The following CSMD1 variants were observed in gnomAD, a reference collection of about 807,000 sequenced individuals.
CSMD1 encodes CUB and Sushi multiple domains 1, also known as CUB and sushi domain-containing protein 1.
A neutral mutation model predicts 417.5 loss-of-function variants in CSMD1; 213 were observed. The observed-to-expected ratio is 0.51, with a 90% CI of 0.46 to 0.57. The LOEUF is 0.57. Among genes scored for constraint, CSMD1 ranks in the 20% least tolerant of loss-of-function variants. The probability of loss-of-function intolerance (pLI) is 0.00; values close to 1 mark genes in which losing one functional copy is unlikely to be tolerated. For synonymous variants in CSMD1, 2,862 were observed against 1,736.8 expected (o/e 1.65, Z -16.11); for missense variants, 6,923 against 4,529.7 (o/e 1.53, Z -15.17).
chr8:3,170,719 A>T (rs1820533415), intron 37 of CSMD1, among the ~76,000 whole-genome samples: 1 of 152,206 alleles, frequency 6.6e-6, no homozygotes, highest in South Asian at 2.1e-4. Flanking sequence ...TAAATATGTG[A>T]AGATCAAAAA....
At chr8:3,629,185 T>C (rs914033675) in intron 7 of CSMD1, among the ~76,000 whole-genome samples, 2 of 151,988 alleles carry the variant, frequency 1.3e-5, no homozygotes, top group Non-Finnish European at 2.9e-5. Flanking sequence ...GGAACTTGCT[T>C]GTAAAGGGGA....
chr8:3,502,238 G>T (rs888683468), intron 10 of CSMD1, among the ~76,000 whole-genome samples: 1 of 151,770 alleles, frequency 6.6e-6, no homozygotes, highest in African/African-American at 2.4e-5. Context: ...GGTGGTGGGC[G>T]CCTGTAGTCC....
intron 3 of CSMD1, among the ~76,000 whole-genome samples, chr8:4,390,979 T>G (rs1444574163): frequency 6.6e-6 from 1 of 152,182 alleles, no homozygotes; most frequent in Non-Finnish European, 1.5e-5. Context: ...TTCTGTAACT[T>G]TCTACCATAT....
chr8:4,342,532 G>A (rs34979707), intron 3 of CSMD1, among the ~76,000 whole-genome samples: 1 of 151,850 alleles, frequency 6.6e-6, no homozygotes, highest in East Asian at 1.9e-4. Flanking sequence ...ACATTTTCCT[G>A]ATGTATGACA....
chr8:4,601,517 T>C (rs1430405503), intron 2 of CSMD1, among the ~76,000 whole-genome samples: 1 of 152,148 alleles, frequency 6.6e-6, no homozygotes, highest in Non-Finnish European at 1.5e-5. Flanking sequence ...GGGACAGAGA[T>C]CATAAAGGAA....
intron 5 of CSMD1, among the ~76,000 whole-genome samples, chr8:3,830,494 G>C (rs1321448647): frequency 6.6e-6 from 1 of 152,190 alleles, no homozygotes; most frequent in South Asian, 2.1e-4. Flanking sequence ...GTGCAACTGA[G>C]AATCATGGAG....
chr8:3,179,158 GA>G (rs1563115597), intron 37 of CSMD1, among the ~76,000 whole-genome samples: 4 of 151,170 alleles, frequency 2.6e-5, no homozygotes, highest in Admixed American at 2.0e-4. Context: ...TGTTAGCCAG[GA>G]CTGTCTCGAT....
At chr8:3,242,797 GGGGTTGGGGCGCAGAAAT>G (rs1799629302) in intron 26 of CSMD1, among the ~76,000 whole-genome samples, 10 of 33,308 alleles carry the variant, frequency 3.0e-4, no homozygotes, top group African/African-American at 6.4e-4. Flanking sequence ...AAGCGGGAAA[GGGGTTGGGGCGCAGAAAT>G]AAGGGGTTGG....
At chr8:4,131,449 C>T (rs909289733) in intron 3 of CSMD1, among the ~76,000 whole-genome samples, 8 of 152,106 alleles carry the variant, frequency 5.3e-5, no homozygotes, top group Admixed American at 3.3e-4. Context: ...GTCAAATATA[C>T]GATTAAACTT....
chr8:4,456,076 A>C (rs1180995303), intron 2 of CSMD1, among the ~76,000 whole-genome samples: 10 of 149,538 alleles, frequency 6.7e-5, no homozygotes, highest in African/African-American at 2.5e-4. Context: ...AAAAAAAAAA[A>C]AAAAAATGTG....
chr8:3,899,186 A>G (rs1031678253), intron 5 of CSMD1, among the ~76,000 whole-genome samples: 4 of 152,226 alleles, frequency 2.6e-5, no homozygotes, highest in African/African-American at 9.6e-5. Context: ...GGCCTAGGAC[A>G]GGAGGCCAAT....
chr8:4,506,613 T>C (rs565047227), intron 2 of CSMD1, among the ~76,000 whole-genome samples: 1 of 152,232 alleles, frequency 6.6e-6, no homozygotes, highest in South Asian at 2.1e-4. Flanking sequence ...CCCAAGACTT[T>C]CACATGAGCA....
chr8:3,556,232 G>T (rs1799134358), intron 10 of CSMD1, among the ~76,000 whole-genome samples: 1 of 151,276 alleles, frequency 6.6e-6, no homozygotes, highest in Non-Finnish European at 1.5e-5. Context: ...ATTTAGGAGG[G>T]ATCCTTTCCA....
chr8:4,472,743 A>G (rs1002940627), intron 2 of CSMD1, among the ~76,000 whole-genome samples: 1 of 152,008 alleles, frequency 6.6e-6, no homozygotes, highest in Non-Finnish European at 1.5e-5. Context: ...ATAACTGTGG[A>G]CGTTCACTTC....
chr8:3,213,195 G>A (rs1300398181), intron 30 of CSMD1, among the ~76,000 whole-genome samples: 1 of 152,118 alleles, frequency 6.6e-6, no homozygotes, highest in East Asian at 1.9e-4. Context: ...GCTGTCTTAA[G>A]AAAAACACAT....
chr8:4,229,942 T>A (rs1379374807), intron 3 of CSMD1, among the ~76,000 whole-genome samples: 1 of 152,198 alleles, frequency 6.6e-6, no homozygotes, highest in Admixed American at 6.5e-5. Flanking sequence ...TCTTACATTC[T>A]AATATCAAGA....
intron 22 of CSMD1, among the ~76,000 whole-genome samples, chr8:3,347,574 T>C (rs1345677177): frequency 2.6e-5 from 4 of 152,210 alleles, no homozygotes; most frequent in Non-Finnish European, 5.9e-5. Context: ...CAGAAAGGGT[T>C]GGTTTGGGGA....
chr8:3,280,646 C>G (rs1455703172), intron 26 of CSMD1, among the ~76,000 whole-genome samples: 2 of 152,292 alleles, frequency 1.3e-5, no homozygotes, highest in Non-Finnish European at 2.9e-5. Flanking sequence ...AAATTGTCAA[C>G]ATTCAATCAT....
chr8:3,976,431 G>C (rs898469153), intron 5 of CSMD1, among the ~76,000 whole-genome samples: 6 of 152,132 alleles, frequency 3.9e-5, no homozygotes, highest in South Asian at 2.1e-4. Context: ...ATCAAGGAAA[G>C]CAGTTTCCTT....
Sources: allele counts gnomAD v4.1 joint callset (sites outside exome capture counted in the v4.1 genomes callset), GRCh38; gene constraint gnomAD v4.1.1; transcripts MANE v1.5; gene names NCBI Gene and HGNC (gene_info 2026-07-23, HGNC 2026-07-21).